Variants in L3MBTL2 observed in about 807,000 individuals in gnomAD.
L3MBTL2 encodes lethal(3)malignant brain tumor-like protein 2.
A neutral mutation model predicts 86.4 loss-of-function variants in L3MBTL2; 49 were observed. The observed-to-expected ratio is 0.57, with a 90% confidence interval of 0.45 to 0.72. The LOEUF (loss-of-function observed/expected upper bound fraction) is 0.72, where lower values mean the gene tolerates loss of function less well. Among genes scored for constraint, L3MBTL2 ranks in the 30% least tolerant of loss-of-function variants. The pLI, the probability that L3MBTL2 is intolerant of heterozygous loss-of-function variation, is 0.00. For synonymous variants in L3MBTL2, 336 were observed against 350.6 expected, an observed-to-expected ratio of 0.96 and a Z score of 0.47; for missense variants, 755 against 923.7, an observed-to-expected ratio of 0.82 and a Z score of 2.37.
chr22:41,220,351 C>T (rs1226572142), intron 6 of L3MBTL2, among the ~76,000 whole-genome samples: 2 of 152,008 alleles, frequency 1.3e-5, no homozygotes, highest in Non-Finnish European at 2.9e-5. Flanking sequence ...GTATAGGTGC[C>T]AGAAGTCCAG....
At chr22:41,207,100 C>T (rs991882685) in intron 1 of L3MBTL2, among the ~76,000 whole-genome samples, 3 of 152,080 alleles carry the variant, frequency 2.0e-5, no homozygotes, top group African/African-American at 7.2e-5. Context: ...ATGTTAGAGC[C>T]AGGATTCAAA....
chr22:41,222,884 G>C (rs2031923770), intron 8 of L3MBTL2, among the ~76,000 whole-genome samples: 1 of 152,110 alleles, frequency 6.6e-6, no homozygotes, highest in South Asian at 2.1e-4. Context: ...TCGTGCCACT[G>C]CACTTCAGTC....
At chr22:41,212,422 C>T (rs1226990587) in intron 2 of L3MBTL2, among the ~76,000 whole-genome samples, 2 of 138,852 alleles carry the variant, frequency 1.4e-5, no homozygotes, top group East Asian at 2.1e-4. Flanking sequence ...TTTGAGACAG[C>T]GTTTCACTCT....
In L3MBTL2 at chr22:41,225,742, A is replaced by G; in HGVS notation, c.1357-52A>G. On this transcript the variant is annotated intron_variant, in intron 11 of 16. Transcript: ENST00000216237. The surrounding 1 kb of genome is among the most constrained non-coding windows in gnomAD (Gnocchi z 4.1). ...TATTGGGGTGCGGTACCAACCCAGG[A>G]TGGGGTGCAGTTCATGATATGATCT... 6.4e-7 allele frequency: 1 copy of G among 1,570,602 alleles called. No individual in the cohort carries two copies. Among genetic ancestry groups the G allele is most frequent in the Non-Finnish European group, 8.7e-7 (1 of 1,149,888 alleles).
At chr22:41,210,876 C>A (rs897036954) in intron 2 of L3MBTL2, among the ~76,000 whole-genome samples, 1 of 152,082 alleles carries the variant, frequency 6.6e-6, no homozygotes, top group Non-Finnish European at 1.5e-5. Context: ...ATAAGTATAC[C>A]ATGGATTTCC....
Position 41,227,635 on chromosome 22 carries a change from G to T in L3MBTL2, c.1823-169G>T. 1.3e-6 allele frequency: 2 copies of T among 1,549,026 alleles called. No homozygotes were observed. Among genetic ancestry groups the T allele is most frequent in the Non-Finnish European group, 1.7e-6 (2 of 1,145,808 alleles). On this transcript the variant is annotated intron_variant, in intron 14 of 16. Coordinates refer to ENST00000216237, the MANE Select transcript of L3MBTL2 (RefSeq NM_031488.5). This position sits in a 1 kb window ranked among gnomAD's most constrained non-coding sequence, Gnocchi z 6.0. ...ACAAGGGTGGGAAGAAGGGACAGCT[G>T]TTCTCCGGCCCCTCCTCCAGCCCCG...
chr22:41,208,266 A>T lies in L3MBTL2; in HGVS notation c.25-1430A>T, dbSNP rs1046281117. 9.5e-6 allele frequency: 4 copies of T among 422,254 alleles called. No individual in the cohort carries two copies. In the Admixed American group the frequency reaches 1.0e-4, roughly 11 times the overall value. The allele number at this position is 422,254 out of a possible 1,614,324, so 26.2% of individuals were successfully genotyped here. On this transcript the variant is annotated intron_variant, in intron 1 of 16. Transcript: ENST00000216237. The stretch of plus-strand genomic sequence containing the variant: ...TCCACCTCAGCTCCAAGAAGCTGGG[A>T]CTACAGGCGCATGCCACCACACCTG...
At chr22:41,212,153 C>T (rs1228832540) in intron 2 of L3MBTL2, among the ~76,000 whole-genome samples, 4 of 152,090 alleles carry the variant, frequency 2.6e-5, no homozygotes, top group Non-Finnish European at 5.9e-5. Flanking sequence ...CGTGAGCCAC[C>T]GCTCCCGGCC....
chr22:41,226,124 A>T (rs1444054420), intron 12 of L3MBTL2, among the ~76,000 whole-genome samples, 183 bp downstream of exon 12: 1 of 152,200 alleles, frequency 6.6e-6, no homozygotes, highest in Non-Finnish European at 1.5e-5. Flanking sequence ...TAAAAATACA[A>T]AAATTAGCCA....
At chr22:41,220,692 C>A in intron 6 of L3MBTL2, 42 bp from the exon 7 acceptor site, 1 of 1,573,872 alleles carries the variant, frequency 6.4e-7, no homozygotes, top group African/African-American at 1.4e-5. Context: ...ATACCTTCCC[C>A]AGCTCACCCT....
intron 8 of L3MBTL2, among the ~76,000 whole-genome samples, chr22:41,222,482 C>T (rs2031892046): frequency 6.6e-6 from 1 of 152,060 alleles, no homozygotes; most frequent in Non-Finnish European, 1.5e-5. Context: ...ATTAAAAAGT[C>T]ACATATATAC....
chr22:41,230,093 C>CCCCGCT, intron 16 of L3MBTL2, 46 bp from the exon 17 acceptor site: 1 of 965,792 alleles, frequency 1.0e-6, no homozygotes, highest in Non-Finnish European at 1.6e-6. Flanking sequence ...CCACCCCTCC[C>CCCCGCT]AGAGTTATTT....
chr22:41,211,352 C>T (rs568027976), intron 2 of L3MBTL2, among the ~76,000 whole-genome samples: 3 of 149,580 alleles, frequency 2.0e-5, no homozygotes, highest in Non-Finnish European at 4.4e-5. Flanking sequence ...AGGTGCACGC[C>T]ACCATGCCTG....
rs1279108963 is a variant in L3MBTL2, at chr22:41,227,538, C to T, written c.1822+215C>T. On this transcript the variant is annotated intron_variant, in intron 14 of 16. Transcript: ENST00000216237. The surrounding 1 kb of genome is among the most constrained non-coding windows in gnomAD (Gnocchi z 6.0). Reference sequence around the variant, plus strand: ...CTGCAGAGCTCCTTCCTTCATCTTGCCCACTCTGTCATATGTTCGTGCCCT... The same window carrying T: ...CTGCAGAGCTCCTTCCTTCATCTTGTCCACTCTGTCATATGTTCGTGCCCT... 9 of 1,493,052 alleles carry T rather than the reference C, an allele frequency of 6.0e-6. No individual in the cohort carries two copies. Among genetic ancestry groups the T allele is most frequent in the African/African-American group, 1.4e-5 (1 of 71,828 alleles). The allele number at this position is 1,493,052 out of a possible 1,614,324, so 92.5% of individuals were successfully genotyped here.
At chr22:41,213,083 T>C in intron 2 of L3MBTL2, among the ~76,000 whole-genome samples, 1 of 148,668 alleles carries the variant, frequency 6.7e-6, no homozygotes, top group East Asian at 2.0e-4. Context: ...CTGGGTGTGG[T>C]GGCAGTGCCT....
rs763997489 is a variant in L3MBTL2 at position 41,219,488 on chromosome 22, G to A, written c.670G>A (p.Val224Met). ...MKVEVLNSDA[V>M]LPSRVYWIAS... Reference sequence around the variant, plus strand: ...GGTGGAGGTGCTCAACAGTGATGCTGTGCTCCCCAGCCGGGTGTACTGGAT... The same window carrying A: ...GGTGGAGGTGCTCAACAGTGATGCTATGCTCCCCAGCCGGGTGTACTGGAT... The change falls in exon 6 of 17, where the codon GTG becomes ATG. Residue 224 changes from valine (V) to methionine (M), a missense_variant. Around this residue, in one of 3 missense-constraint regions of L3MBTL2, gnomAD observed 634 missense variants for 748.9 expected, o/e 0.85. Transcript: ENST00000216237. 4.5e-5 allele frequency: 73 copies of A among 1,613,892 alleles called. No individual in the cohort carries two copies. The highest frequency in any genetic ancestry group is 5.9e-5 in the Non-Finnish European group (70 of 1,179,922).
chr22:41,230,794 C>T lies in L3MBTL2; in HGVS notation c.*543C>T, dbSNP rs2032548399. 1 of 152,700 alleles carries T rather than the reference C, an allele frequency of 6.5e-6. No homozygotes were observed. The highest frequency in any genetic ancestry group is 2.4e-5 in the African/African-American group (1 of 41,446). The allele number at this position is 152,700 out of a possible 1,614,324, so 9.5% of individuals were successfully genotyped here. On this transcript the variant is annotated 3_prime_UTR_variant, in exon 17 of 17. Transcript: ENST00000216237. ...CTCAGCCTCATGTGTTGGTCCTCTG[C>T]TCCTCCTAGCTCCCCAGGGATGTTG... is the stretch of plus-strand genomic sequence containing the variant.
At chr22:41,228,848 G>GCA (rs139479) in intron 15 of L3MBTL2, among the ~76,000 whole-genome samples, 47,501 of 133,522 alleles carry the variant, frequency 0.36, 7,963 homozygotes, top group Middle Eastern at 0.43. Flanking sequence ...AAACTCCATC[G>GCA]CACAAAAAAA....
chr22:41,213,788 G>T (rs2031114922), intron 2 of L3MBTL2, 105 bp from the exon 3 acceptor site: 2 of 1,266,048 alleles, frequency 1.6e-6, no homozygotes, highest in Non-Finnish European at 2.3e-6. Context: ...GTGGGGGCAG[G>T]GGCTCACCTG....
Sources: allele counts gnomAD v4.1 joint callset (sites outside exome capture counted in the v4.1 genomes callset), GRCh38; gene constraint gnomAD v4.1.1; regional missense constraint gnomAD v4.1.1; non-coding constraint Gnocchi (gnomAD v3.1); transcripts MANE v1.5; gene names NCBI Gene and HGNC (gene_info 2026-07-23, HGNC 2026-07-21).